Variants in ADGRD1 observed in about 807,000 individuals in gnomAD.
The protein encoded by ADGRD1 is adhesion G protein-coupled receptor D1.
In ADGRD1, 77 loss-of-function variants were observed where a neutral mutation model predicts 113.4. The observed-to-expected ratio is 0.68, with a 90% confidence interval of 0.57 to 0.82. The LOEUF (loss-of-function observed/expected upper bound fraction) is 0.82. Among genes scored for constraint, ADGRD1 ranks in the 40% least tolerant of loss-of-function variants. The probability of loss-of-function intolerance (pLI) is 0.00; values close to 1 mark genes in which losing one functional copy is unlikely to be tolerated. For synonymous variants in ADGRD1, 474 were observed against 475.0 expected (o/e 1.00, Z 0.03); for missense variants, 1,036 against 1,139.1 (o/e 0.91, Z 1.30).
rs1213935475 is a variant in ADGRD1 at position 130,996,783 on chromosome 12, G to A, written c.967-3600G>A. ...TCCTCACTTCCCAGTAGGGGTGGCC[G>A]GGCAGAGGCGCCCCTCACCTCCCGG... On this transcript the variant is annotated intron_variant, in intron 8 of 24. Coordinates refer to ENST00000261654, the MANE Select transcript of ADGRD1 (RefSeq NM_198827.5). Among the ~76,000 whole-genome samples, 11 of 107,028 alleles carry A rather than the reference G, an allele frequency of 1.0e-4. No individual in the cohort carries two copies. In the South Asian group the frequency reaches 2.1e-3, roughly 21 times the overall value. The allele number at this position is 107,028 out of a possible 152,430, so 70.2% of individuals were successfully genotyped here.
In ADGRD1 at chr12:131,060,570, G is replaced by C. The variant is rs186027347; in HGVS notation, c.1474-16231G>C. Among the ~76,000 whole-genome samples the C allele has an allele frequency of 1.3e-5, 2 of 152,256 alleles. No homozygotes were observed. The highest frequency in any genetic ancestry group is 2.4e-5 in the African/African-American group (1 of 41,538). ...GAGGCCGTGGCCAAGGGGGCCTTAC[G>C]GACACCAGCAGCCTCTCCAGGGGCA... On this transcript the variant is annotated intron_variant, in intron 13 of 24. Transcript: ENST00000261654. This position sits in a 1 kb window ranked among gnomAD's most constrained non-coding sequence, Gnocchi z 4.4.
At chr12:131,101,373 C>CTTTTTTTTT (rs796951608) in intron 15 of ADGRD1, among the ~76,000 whole-genome samples, 5 of 79,352 alleles carry the variant, frequency 6.3e-5, no homozygotes, top group African/African-American at 1.6e-4. Flanking sequence ...CTTTTTCTTT[C>CTTTTTTTTT]TTTCTTTTTT....
In ADGRD1 at chr12:131,052,524, G is replaced by A. The variant is rs181665030; in HGVS notation, c.1474-24277G>A. On this transcript the variant is annotated intron_variant, in intron 13 of 24. Coordinates refer to ENST00000261654, the MANE Select transcript of ADGRD1 (RefSeq NM_198827.5). ...AGGTGCTTCCAGGGCTCTCCTGGAG[G>A]TCTGCAACCAGGCATCTGCCTCCGC... 3.7e-3 allele frequency among the ~76,000 whole-genome samples: 564 copies of A among 152,330 alleles called. 3 individuals carry two copies. Among genetic ancestry groups the A allele is most frequent in the Non-Finnish European group, 6.1e-3 (418 of 68,028 alleles).
At chr12:130,990,018 T>C (rs1011876580) in intron 6 of ADGRD1, 1 of 152,284 alleles carries the variant, frequency 6.6e-6, no homozygotes, top group African/African-American at 2.4e-5. Flanking sequence ...CCAGTCTCCA[T>C]GGTCATCGCT....
chr12:131,042,466 T>C (rs939428103), intron 13 of ADGRD1, among the ~76,000 whole-genome samples: 1 of 152,196 alleles, frequency 6.6e-6, no homozygotes, highest in Non-Finnish European at 1.5e-5. Context: ...ATGAATGAAG[T>C]AGACATAAGA....
At chr12:131,023,403 C>G (rs1211255648) in intron 13 of ADGRD1, 1 of 150,516 alleles carries the variant, frequency 6.6e-6, no homozygotes, top group African/African-American at 2.4e-5. Context: ...CACCCCCGCT[C>G]TGTCTCCATC....
At chr12:131,005,169 T>C (rs1200401422) in intron 11 of ADGRD1, among the ~76,000 whole-genome samples, 1 of 152,226 alleles carries the variant, frequency 6.6e-6, no homozygotes, top group East Asian at 1.9e-4. Flanking sequence ...TTCTCTGCCC[T>C]GTCCTCAACT....
rs1013660319 is a variant in ADGRD1 at position 131,027,384 on chromosome 12, C to G, written c.1473+13044C>G. 1 of 152,094 alleles carries G rather than the reference C, an allele frequency of 6.6e-6. No individual in the cohort carries two copies. The highest frequency in any genetic ancestry group is 1.9e-4 in the East Asian group (1 of 5,184). 9.4% of individuals were successfully genotyped at this position (152,094 alleles called of 1,614,324 possible). A position where few individuals can be genotyped will look rare whatever the true frequency, so the allele number is the denominator to read the frequency against. ...TCGCAGCTTCAGTTTTTAAATTTAC[C>G]ATGTCTATATTTCCGTGCCAGTAGC... On this transcript the variant is annotated intron_variant, in intron 13 of 24. Transcript: ENST00000261654. This position sits in a 1 kb window ranked among gnomAD's most constrained non-coding sequence, Gnocchi z 5.1.
chr12:131,122,862 C>T (rs1357327868), intron 20 of ADGRD1, among the ~76,000 whole-genome samples: 5 of 152,042 alleles, frequency 3.3e-5, no homozygotes, highest in Non-Finnish European at 7.4e-5. Context: ...TGGGGCCGAG[C>T]GCCAGGAACC....
intron 8 of ADGRD1, chr12:130,994,336 G>C (rs572956054): frequency 9.5e-5 from 39 of 411,006 alleles, no homozygotes; most frequent in South Asian, 6.8e-4. Flanking sequence ...ACTGTGGCAG[G>C]CGGTGCCTTC....
intron 13 of ADGRD1, chr12:131,069,205 G>A (rs1884963535): frequency 6.6e-6 from 1 of 152,304 alleles, no homozygotes; most frequent in Non-Finnish European, 1.5e-5. Flanking sequence ...ACGAGTCCAT[G>A]ATGTACCAGG....
chr12:131,101,261 C>T (rs943302836), intron 15 of ADGRD1, among the ~76,000 whole-genome samples: 2 of 151,926 alleles, frequency 1.3e-5, no homozygotes, highest in East Asian at 1.9e-4. Context: ...GGGGGGCTTC[C>T]CAGGGCAGTG....
chr12:130,975,994 T>A (rs1872259416), intron 4 of ADGRD1, among the ~76,000 whole-genome samples: 1 of 152,178 alleles, frequency 6.6e-6, no homozygotes, highest in African/African-American at 2.4e-5. Context: ...ATTAAGAACT[T>A]CTTCTGCTTA....
chr12:131,126,205 G>C lies in ADGRD1; in HGVS notation c.2175+5292G>C, dbSNP rs1380939437. Among the ~76,000 whole-genome samples the C allele has an allele frequency of 3.3e-5, 5 of 152,198 alleles. No individual in the cohort carries two copies. In the South Asian group the frequency reaches 1.0e-3, roughly 32 times the overall value. On this transcript the variant is annotated intron_variant, in intron 20 of 24. Transcript: ENST00000261654. ...GTGAGGGCTTTGCTCTCGTGAATAA[G>C]TTAATGCTGCTGTTGTGGGAGTGGT...
At chr12:130,960,263 G>A (rs145747888) in intron 2 of ADGRD1, among the ~76,000 whole-genome samples, 7 of 152,244 alleles carry the variant, frequency 4.6e-5, no homozygotes, top group South Asian at 2.1e-4. Context: ...GGCTCCAGCC[G>A]TTTCCAGAAG....
chr12:131,137,031 T>G lies in ADGRD1; in HGVS notation c.2436+17T>G, dbSNP rs200035939. 1.9e-6 allele frequency: 3 copies of G among 1,603,056 alleles called. No homozygotes were observed. The East Asian group carries it at 6.7e-5, about 36-fold the overall frequency. ...AATTCAGAGGTACGTCCGCTCTGCT[T>G]GCTGGCAGGTGCAGGTGCAGCTGGC... On this transcript the variant is annotated intron_variant, in intron 23 of 24. Transcript: ENST00000261654.
Position 131,131,720 on chromosome 12 carries a change from T to C in ADGRD1, c.2176-5T>C, listed in dbSNP as rs776071270. ...CCTCACCTTCCTCCATGGTTTCTTGTGCAGGTCAACATTGGCATCCTCATC... is the reference window on the plus strand; with the variant it reads ...CCTCACCTTCCTCCATGGTTTCTTGCGCAGGTCAACATTGGCATCCTCATC... On this transcript the variant is annotated splice_polypyrimidine_tract_variant and splice_region_variant and intron_variant, in intron 20 of 24. Transcript: ENST00000261654. The C allele has an allele frequency of 1.2e-6, 2 of 1,602,724 alleles. No individual in the cohort carries two copies. Among genetic ancestry groups the C allele is most frequent in the African/African-American group, 2.7e-5 (2 of 74,346 alleles).
At position 131,084,717 on chromosome 12, in the gene ADGRD1, C is replaced by T; in HGVS notation, c.1671+54C>T. On this transcript the variant is annotated intron_variant, in intron 15 of 24. Coordinates refer to ENST00000261654, the MANE Select transcript of ADGRD1 (RefSeq NM_198827.5). The surrounding 1 kb of genome is among the most constrained non-coding windows in gnomAD (Gnocchi z 4.5). ...ACCTGGGGGACGTACCATGAGGCTG[C>T]AGGTGGGGGCGGGAGGATGCTTTGC... The T allele has an allele frequency of 6.3e-7, 1 of 1,587,616 alleles. No individual in the cohort carries two copies.
In ADGRD1 at chr12:131,136,984, A is replaced by G. The variant is rs1264806306; in HGVS notation, c.2406A>G (p.Ile802Met). ...ATLNSLQGLFIFLFHCLLNSE... is the reference protein window; with the variant it reads ...ATLNSLQGLFMFLFHCLLNSE... ...CCCTTTCTTCCCAGGGACTGTTCAT[A>G]TTCCTCTTTCATTGTCTCCTGAATT... Residue 802 changes from isoleucine to methionine, a missense_variant, in exon 23 of 25, where the codon ATA (isoleucine) becomes ATG (methionine). By Grantham distance (10) the Ile-to-Met change is conservative. Coordinates refer to ENST00000261654, the MANE Select transcript of ADGRD1 (RefSeq NM_198827.5). 3.1e-6 allele frequency: 5 copies of G among 1,611,826 alleles called. No individual in the cohort carries two copies. Among genetic ancestry groups the G allele is most frequent in the African/African-American group, 1.3e-5 (1 of 74,862 alleles).
Sources: gnomAD v4.1 joint callset for allele counts (sites outside exome capture counted in the v4.1 genomes callset) on GRCh38, gnomAD v4.1.1 for gene constraint, Gnocchi (gnomAD v3.1) non-coding constraint, MANE v1.5 for transcripts, NCBI Gene and HGNC (gene_info 2026-07-23, HGNC 2026-07-21) for gene names.